Variants in UGGT2 observed in about 807,000 individuals in gnomAD.
UGGT2 encodes UDP-glucose glycoprotein glucosyltransferase 2.
A neutral mutation model predicts 192.1 loss-of-function variants in UGGT2; 180 were observed. The ratio of observed to expected loss-of-function variants is 0.94; its 90% CI spans 0.83 to 1.06. The LOEUF (loss-of-function observed/expected upper bound fraction) is 1.06. UGGT2 is among the 50% of genes least tolerant of loss of function. UGGT2 has a pLI of 0.00. For missense variants in UGGT2, 1,849 were observed against 1,795.7 expected (o/e 1.03, Z -0.54); for synonymous variants, 580 against 591.0 (o/e 0.98, Z 0.27).
At chr13:96,013,228 T>A (rs1232074396) in intron 5 of UGGT2, 79 bp downstream of exon 5, 1 of 1,358,912 alleles carries the variant, frequency 7.4e-7, no homozygotes, top group Admixed American at 2.8e-5. Flanking sequence ...AAATTAATAT[T>A]TAAATCTAGT....
chr13:95,940,452 T>C (rs1324918183), intron 15 of UGGT2, among the ~76,000 whole-genome samples: 47 of 150,292 alleles, frequency 3.1e-4, no homozygotes, highest in African/African-American at 1.1e-3. Flanking sequence ...TTTTTTTCTT[T>C]TTCTTTTTTT....
intron 2 of UGGT2, among the ~76,000 whole-genome samples, chr13:96,026,130 A>G (rs2052657136): frequency 6.6e-6 from 1 of 152,134 alleles, no homozygotes; most frequent in Admixed American, 6.5e-5. Flanking sequence ...AACAAAAAAG[A>G]CACAGAATGA....
intron 1 of UGGT2, among the ~76,000 whole-genome samples, chr13:96,040,689 C>G (rs965087661): frequency 1.3e-5 from 2 of 151,932 alleles, no homozygotes; most frequent in Non-Finnish European, 2.9e-5. Context: ...CCTGGCAAAC[C>G]CATAGTAAAG....
In UGGT2 at chr13:95,877,831, T is replaced by C; in HGVS notation, c.3254A>G (p.Tyr1085Cys). Reference protein sequence around the residue: ...KDTEKTVTAEYELEYLLLEGQ... With the variant: ...KDTEKTVTAECELEYLLLEGQ... ...TTCCAGTAGTAAGTATTCTAGTTCA[T>C]ATTCTGCTGTAACAGTTTTCTCAGT... The change falls in exon 28 of 39, where the codon TAT becomes TGT. Residue 1085 changes from tyrosine to cysteine, a missense_variant. Tyr to Cys is a radical substitution (Grantham distance 194). Coordinates refer to ENST00000376747, the MANE Select transcript of UGGT2 (RefSeq NM_020121.4). 1 of 1,613,696 alleles carries C rather than the reference T, an allele frequency of 6.2e-7. No homozygotes were observed. The highest frequency in any genetic ancestry group is 1.3e-5 in the African/African-American group (1 of 75,040).
At chr13:95,946,901 A>T in intron 15 of UGGT2, 136 bp downstream of exon 15, 1 of 907,720 alleles carries the variant, frequency 1.1e-6, no homozygotes, top group Non-Finnish European at 1.6e-6. Context: ...CATCTGTATT[A>T]ATCTCCATGA....
At chr13:95,866,397 A>G (rs553898374) in intron 30 of UGGT2, among the ~76,000 whole-genome samples, 1 of 152,228 alleles carries the variant, frequency 6.6e-6, no homozygotes, top group Admixed American at 6.5e-5. Flanking sequence ...AACTTTGACT[A>G]TGAGTTGGCC....
At chr13:95,871,792 G>A (rs150247842) in intron 29 of UGGT2, among the ~76,000 whole-genome samples, 1 of 152,280 alleles carries the variant, frequency 6.6e-6, no homozygotes, top group East Asian at 1.9e-4. Context: ...GAGGTATGAG[G>A]AGACCACACC....
At chr13:95,819,562 C>T (rs957516606) in intron 38 of UGGT2, among the ~76,000 whole-genome samples, 3 of 151,888 alleles carry the variant, frequency 2.0e-5, no homozygotes, top group Admixed American at 6.6e-5. Context: ...ATCTATACTT[C>T]GGTAAAGAGA....
At chr13:95,820,602 T>C (rs1226435210) in intron 38 of UGGT2, among the ~76,000 whole-genome samples, 1 of 152,168 alleles carries the variant, frequency 6.6e-6, no homozygotes, top group African/African-American at 2.4e-5. Context: ...GTTTATTCTT[T>C]TTTAAAATTT....
At chr13:96,034,285 G>A (rs1255773787) in intron 1 of UGGT2, among the ~76,000 whole-genome samples, 1 of 152,154 alleles carries the variant, frequency 6.6e-6, no homozygotes. Context: ...GTGAAAAGGA[G>A]CTACCCACTC....
At chr13:95,983,226 T>C (rs926305498) in intron 10 of UGGT2, among the ~76,000 whole-genome samples, 5 of 152,024 alleles carry the variant, frequency 3.3e-5, no homozygotes, top group Non-Finnish European at 5.9e-5. Context: ...TAAATACAGG[T>C]AAGAAGTGAG....
At chr13:95,857,077 A>G (rs1316743129) in intron 33 of UGGT2, among the ~76,000 whole-genome samples, 1 of 152,090 alleles carries the variant, frequency 6.6e-6, no homozygotes, top group Non-Finnish European at 1.5e-5. Flanking sequence ...ACTTGAAACT[A>G]GTTTCTGGTT....
chr13:95,943,996 A>G lies in UGGT2; in HGVS notation c.1677+3041T>C, dbSNP rs72636567. On this transcript the variant is annotated intron_variant, in intron 15 of 38. Transcript: ENST00000376747. ...CATAAAAAAGCTTTGAATTTTTTCA[A>G]ATGTTTCTTGTGCATATTCTTGAAT... Among the ~76,000 whole-genome samples the G allele has an allele frequency of 1.7e-3, 259 of 152,114 alleles. 2 individuals carry two copies. Among genetic ancestry groups the G allele is most frequent in the Admixed American group, 4.4e-3 (67 of 15,268 alleles).
At chr13:96,053,073 C>T (rs2053533939) in intron 1 of UGGT2, 82 bp downstream of exon 1, 3 of 1,393,508 alleles carry the variant, frequency 2.2e-6, no homozygotes, top group South Asian at 1.6e-5. Context: ...GAGCCAGACA[C>T]CCGCTGCGAG....
chr13:95,919,608 T>C (rs61972925), intron 20 of UGGT2, among the ~76,000 whole-genome samples: 2,230 of 151,938 alleles, frequency 0.015, 29 homozygotes, highest in Middle Eastern at 0.024. Flanking sequence ...TCACAATTGC[T>C]ACAAAATGAA....
At chr13:95,844,596 C>T (rs969082222) in intron 36 of UGGT2, among the ~76,000 whole-genome samples, 11 of 152,056 alleles carry the variant, frequency 7.2e-5, no homozygotes, top group African/African-American at 2.7e-4. Flanking sequence ...ATTGTTATTG[C>T]TAGTATACAG....
chr13:95,992,698 G>A (rs1441308833), intron 7 of UGGT2, among the ~76,000 whole-genome samples: 2 of 152,028 alleles, frequency 1.3e-5, no homozygotes, highest in Non-Finnish European at 2.9e-5. Flanking sequence ...CTAATCATCA[G>A]AGAAATGCAA....
intron 35 of UGGT2, 23 bp downstream of exon 35, chr13:95,854,292 G>T (rs1889355207): frequency 6.3e-7 from 1 of 1,593,846 alleles, no homozygotes; most frequent in Non-Finnish European, 8.5e-7. Context: ...TTTACTAAAT[G>T]GTAAGGGTCT....
intron 20 of UGGT2, among the ~76,000 whole-genome samples, chr13:95,904,216 T>C (rs143557794): frequency 4.7e-4 from 72 of 152,302 alleles, no homozygotes; most frequent in Non-Finnish European, 1.8e-4. Context: ...ATTGGTATTA[T>C]ACCTGATGGC....
Sources: gnomAD v4.1 joint callset for allele counts (sites outside exome capture counted in the v4.1 genomes callset) on GRCh38, gnomAD v4.1.1 for gene constraint, MANE v1.5 for transcripts, NCBI Gene and HGNC (gene_info 2026-07-23, HGNC 2026-07-21) for gene names.